The following NRXN2 variants were observed in gnomAD, a reference collection of about 807,000 sequenced individuals.
NRXN2 encodes the protein neurexin-2-beta.
In NRXN2, 29 loss-of-function variants were observed where a neutral mutation model predicts 128.8. The ratio of observed to expected loss-of-function variants is 0.23; its 90% CI spans 0.17 to 0.31. NRXN2 has a LOEUF of 0.31. Among genes scored for constraint, NRXN2 ranks in the 10% least tolerant of loss-of-function variants. The probability of loss-of-function intolerance (pLI) is 1.00; values close to 1 mark genes in which losing one functional copy is unlikely to be tolerated. For missense variants in NRXN2, 1,881 were observed against 2,452.6 expected, an observed-to-expected ratio of 0.77 and a Z score of 4.92; for synonymous variants, 1,098 against 1,075.2, an observed-to-expected ratio of 1.02 and a Z score of -0.41.
Position 64,631,363 on chromosome 11 carries a change from G to C in NRXN2, c.3586-790C>G, listed in dbSNP as rs966440765. ...GACAGGGACGGAGGCCTGGAGAAGG[G>C]GAGCAAAGAGCCTAAGCAATCTCTG... is the stretch of plus-strand genomic sequence containing the variant. On this transcript the variant is annotated intron_variant, in intron 18 of 22. Coordinates refer to ENST00000265459, the MANE Select transcript of NRXN2 (RefSeq NM_015080.4). The surrounding 1 kb of genome is among the most constrained non-coding windows in gnomAD (Gnocchi z 4.8). Among the ~76,000 whole-genome samples, 3 of 152,144 alleles carry C rather than the reference G, an allele frequency of 2.0e-5. No homozygotes were observed. Among genetic ancestry groups the C allele is most frequent in the Admixed American group, 2.0e-4 (3 of 15,270 alleles).
intron 17 of NRXN2, among the ~76,000 whole-genome samples, chr11:64,647,674 G>A (rs76775111): frequency 0.017 from 2,655 of 152,346 alleles, 65 homozygotes; most frequent in African/African-American, 0.059. Context: ...GCCCATTCCA[G>A]GGAAACCAGC....
In NRXN2 at chr11:64,713,773, G is replaced by A; in HGVS notation, c.-74C>T. ...TCAGAGCCGCGGGCGCATGGGGCGG[G>A]AGGGGGCCGGGCGCTCCCCGCGCTG... is the stretch of plus-strand genomic sequence containing the variant. On this transcript the variant is annotated 5_prime_UTR_variant, in exon 2 of 23. Coordinates refer to ENST00000265459, the MANE Select transcript of NRXN2 (RefSeq NM_015080.4). 1.2e-6 allele frequency: 1 copy of A among 867,234 alleles called. No individual in the cohort carries two copies. The highest frequency in any genetic ancestry group is 1.4e-6 in the Non-Finnish European group (1 of 716,040). The allele number at this position is 867,234 out of a possible 1,614,324, so 53.7% of individuals were successfully genotyped here.
In NRXN2 at chr11:64,660,495, C is replaced by T. The variant is rs768605786; in HGVS notation, c.2226G>A (p.Lys742=). The T allele has an allele frequency of 1.1e-5, 17 of 1,614,068 alleles. No homozygotes were observed. Among genetic ancestry groups the T allele is most frequent in the Non-Finnish European group, 1.4e-5 (16 of 1,180,036 alleles). The change falls in exon 11 of 23, where the codon AAG becomes AAA. Residue 742 remains lysine (K), a synonymous_variant. Coordinates refer to ENST00000265459, the MANE Select transcript of NRXN2 (RefSeq NM_015080.4). The surrounding 1 kb of genome is among the most constrained non-coding windows in gnomAD (Gnocchi z 5.2). Reference sequence around the variant, plus strand: ...TGTGCATGGCGTTAGGCAGCATGATCTTCATGTACATGGAGCCATCGTAGC... The same window carrying T: ...TGTGCATGGCGTTAGGCAGCATGATTTTCATGTACATGGAGCCATCGTAGC... ...VLSYDGSMYM[K]IMLPNAMHTE...
intron 1 of NRXN2, among the ~76,000 whole-genome samples, chr11:64,718,096 G>A (rs935670386): frequency 6.6e-6 from 1 of 152,146 alleles, no homozygotes; most frequent in Non-Finnish European, 1.5e-5. Flanking sequence ...AACCAAAGTC[G>A]CTGGCCTTCC....
intron 6 of NRXN2, among the ~76,000 whole-genome samples, chr11:64,683,619 CAAA>C (rs146075955): frequency 7.9e-5 from 6 of 75,658 alleles, no homozygotes; most frequent in Non-Finnish European, 1.0e-4. Flanking sequence ...GACTCCATCT[CAAA>C]AAAAAAAAAA....
Position 64,667,804 on chromosome 11 carries a change from C to G in NRXN2, c.1360-116G>C, listed in dbSNP as rs1047959396. The stretch of plus-strand genomic sequence containing the variant: ...GCCACCCACCCCTGTAGCCCCTGCT[C>G]AGTTCCACCAGACCACCCGCTTAGG... On this transcript the variant is annotated intron_variant, in intron 8 of 22. Transcript: ENST00000265459. The surrounding 1 kb of genome is among the most constrained non-coding windows in gnomAD (Gnocchi z 5.6). 13 of 914,162 alleles carry G rather than the reference C, an allele frequency of 1.4e-5. No homozygotes were observed. The highest frequency in any genetic ancestry group is 3.9e-5 in the Admixed American group (2 of 51,204). 56.6% of individuals were successfully genotyped at this position (914,162 alleles called of 1,614,324 possible).
At position 64,630,608 on chromosome 11, in the gene NRXN2, G is replaced by A; in HGVS notation, c.3586-35C>T. The A allele has an allele frequency of 6.2e-7, 1 of 1,612,794 alleles. No homozygotes were observed. The highest frequency in any genetic ancestry group is 1.3e-5 in the African/African-American group (1 of 75,024). ...TGGAGGTGGAGGTCAGCGACCAGAGGGAGCAACCATTCATCCCTTCTAGTG... is the reference window on the plus strand; with the variant it reads ...TGGAGGTGGAGGTCAGCGACCAGAGAGAGCAACCATTCATCCCTTCTAGTG... On this transcript the variant is annotated intron_variant, in intron 18 of 22. Coordinates refer to ENST00000265459, the MANE Select transcript of NRXN2 (RefSeq NM_015080.4). The surrounding 1 kb of genome is among the most constrained non-coding windows in gnomAD (Gnocchi z 4.6).
intron 15 of NRXN2, 77 bp downstream of exon 15, chr11:64,650,371 G>A (rs757057458): frequency 9.5e-5 from 139 of 1,469,796 alleles, no homozygotes; most frequent in Non-Finnish European, 1.3e-4. Context: ...AAGCAGCGTC[G>A]CAGGAATGGG....
intron 17 of NRXN2, among the ~76,000 whole-genome samples, chr11:64,641,740 G>T (rs2045692565): frequency 6.6e-6 from 1 of 152,156 alleles, no homozygotes; most frequent in Non-Finnish European, 1.5e-5. Context: ...GGAGGTGATT[G>T]TAAGTGGACA....
chr11:64,623,250 T>C lies in NRXN2; in HGVS notation c.3848-172A>G. On this transcript the variant is annotated intron_variant, in intron 20 of 22. Transcript: ENST00000265459. The surrounding 1 kb of genome is among the most constrained non-coding windows in gnomAD (Gnocchi z 4.9). ...AAGGGGCAGAAAGCCAAAGGGAAAGTCCTTGTCAGCCACAGCCCCTAGCCC... is the reference window on the plus strand; with the variant it reads ...AAGGGGCAGAAAGCCAAAGGGAAAGCCCTTGTCAGCCACAGCCCCTAGCCC... 8.5e-7 allele frequency: 1 copy of C among 1,180,712 alleles called. No homozygotes were observed. The highest frequency in any genetic ancestry group is 1.5e-5 in the African/African-American group (1 of 64,650). The allele number at this position is 1,180,712 out of a possible 1,614,324, so 73.1% of individuals were successfully genotyped here.
chr11:64,668,347 T>C (rs1249343497), intron 8 of NRXN2, 96 bp downstream of exon 8: 3 of 1,499,678 alleles, frequency 2.0e-6, no homozygotes, highest in Non-Finnish European at 2.7e-6. Flanking sequence ...AAGGAACAGA[T>C]GACCCAGACA....
At chr11:64,705,892 G>A (rs1490406513) in intron 2 of NRXN2, among the ~76,000 whole-genome samples, 1 of 147,196 alleles carries the variant, frequency 6.8e-6, no homozygotes, top group Non-Finnish European at 1.5e-5. Context: ...CTCAGCAATG[G>A]CCTTCAATCA....
Position 64,660,869 on chromosome 11 carries a change from G to C in NRXN2, c.2069C>G (p.Thr690Arg). Residue 690 changes from threonine to arginine, a missense_variant, in exon 10 of 23, where the codon ACG becomes AGG. By Grantham distance (71) the Thr-to-Arg change is moderately conservative. Around this residue, in one of 7 missense-constraint regions of NRXN2, gnomAD observed 997 missense variants for 1,240.8 expected, o/e 0.80. Coordinates refer to ENST00000265459, the MANE Select transcript of NRXN2 (RefSeq NM_015080.4). The surrounding 1 kb of genome is among the most constrained non-coding windows in gnomAD (Gnocchi z 5.2). ...GGGGGCAGATGCACACTGCTTCAGC[G>C]TCTCCCGGGAGCAAAAGGGGGCAAC... is the stretch of plus-strand genomic sequence containing the variant. ...VGVAPFCSRETLKQCASAPCR... is the reference protein window; with the variant it reads ...VGVAPFCSRERLKQCASAPCR... 1 of 1,613,794 alleles carries C rather than the reference G, an allele frequency of 6.2e-7. No individual in the cohort carries two copies. Among genetic ancestry groups the C allele is most frequent in the Admixed American group, 1.7e-5 (1 of 60,026 alleles).
chr11:64,712,338 C>T (rs1485759734), intron 2 of NRXN2, among the ~76,000 whole-genome samples: 1 of 151,576 alleles, frequency 6.6e-6, no homozygotes, highest in Non-Finnish European at 1.5e-5. Flanking sequence ...TAGGCCCTCA[C>T]GGTCTCACAC....
intron 7 of NRXN2, among the ~76,000 whole-genome samples, chr11:64,674,373 G>A (rs1380671417): frequency 6.6e-6 from 1 of 152,008 alleles, no homozygotes; most frequent in Non-Finnish European, 1.5e-5. Context: ...TGTATTTTTA[G>A]TAGAGACAGG....
chr11:64,712,886 C>T, intron 2 of NRXN2, 84 bp downstream of exon 2: 1 of 1,231,978 alleles, frequency 8.1e-7, no homozygotes, highest in Non-Finnish European at 1.1e-6. Flanking sequence ...GCCTCAGGAG[C>T]CCACACACAC....
At chr11:64,679,657 T>C (rs1404472465) in intron 6 of NRXN2, among the ~76,000 whole-genome samples, 1 of 150,158 alleles carries the variant, frequency 6.7e-6, no homozygotes, top group Non-Finnish European at 1.5e-5. Context: ...AGAATCAGGA[T>C]TGAGAAGAAA....
chr11:64,720,215 G>T (rs1592329014), intron 1 of NRXN2, among the ~76,000 whole-genome samples: 1 of 152,308 alleles, frequency 6.6e-6, no homozygotes, highest in East Asian at 1.9e-4. Context: ...AAATAACAAG[G>T]TGCCACACAC....
rs2048816499 is a variant in NRXN2, at chr11:64,660,150, T to C, written c.2389+182A>G. On this transcript the variant is annotated intron_variant, in intron 11 of 22. Coordinates refer to ENST00000265459, the MANE Select transcript of NRXN2 (RefSeq NM_015080.4). This position sits in a 1 kb window ranked among gnomAD's most constrained non-coding sequence, Gnocchi z 5.2. ...TCGAGCATGGAATGTCGCCCTACAC[T>C]GTGCGTCCTCACCAGGGACAGAGCT... is the stretch of plus-strand genomic sequence containing the variant. Among the ~76,000 whole-genome samples the C allele has an allele frequency of 6.6e-6, 1 of 152,180 alleles. No homozygotes were observed. Among genetic ancestry groups the C allele is most frequent in the Non-Finnish European group, 1.5e-5 (1 of 68,030 alleles).
Sources: allele counts gnomAD v4.1 joint callset (sites outside exome capture counted in the v4.1 genomes callset), GRCh38; gene constraint gnomAD v4.1.1; regional missense constraint gnomAD v4.1.1; non-coding constraint Gnocchi (gnomAD v3.1); transcripts MANE v1.5; gene names NCBI Gene and HGNC (gene_info 2026-07-23, HGNC 2026-07-21).